The following FRMD3 variants were observed in gnomAD, a reference collection of about 807,000 sequenced individuals.
FRMD3 encodes the protein FERM domain-containing protein 3.
FRMD3 carries 33 observed loss-of-function variants against 70.2 expected under a neutral mutation model. The observed-to-expected ratio is 0.47, with a 90% CI of 0.36 to 0.63. The LOEUF (loss-of-function observed/expected upper bound fraction) is 0.63. FRMD3 is among the 20% of genes least tolerant of loss of function. The pLI is 0.00. For missense variants in FRMD3, 632 were observed against 711.4 expected (o/e 0.89, Z 1.27); for synonymous variants, 279 against 255.9 (o/e 1.09, Z -0.86).
At chr9:83,507,681 AATATACATACATATAT>A (rs1415051298) in intron 1 of FRMD3, among the ~76,000 whole-genome samples, 2 of 79,078 alleles carry the variant, frequency 2.5e-5, no homozygotes, top group Non-Finnish European at 4.8e-5. Context: ...AACAAAAAAA[AATATACATACATATAT>A]ATATATATAT....
In FRMD3 at chr9:83,467,824, T is replaced by A. The variant is rs1242217781; in HGVS notation, c.147+70261A>T. Reference sequence around the variant, plus strand: ...TGCCACCAAGATCCTATTTCCTAATTTCTGTCACAGTAAATAGGTTGATGG... The same window carrying A: ...TGCCACCAAGATCCTATTTCCTAATATCTGTCACAGTAAATAGGTTGATGG... On this transcript the variant is annotated intron_variant, in intron 1 of 13. Transcript: ENST00000304195. The A allele has an allele frequency of 2.1e-6, 3 of 1,397,868 alleles. No individual in the cohort carries two copies. The African/African-American group carries it at 4.3e-5, about 20-fold the overall frequency. 86.6% of individuals were successfully genotyped at this position (1,397,868 alleles called of 1,614,324 possible).
chr9:83,482,746 G>A (rs28595483), intron 1 of FRMD3, among the ~76,000 whole-genome samples: 1,683 of 152,218 alleles, frequency 0.011, 36 homozygotes, highest in African/African-American at 0.039. Context: ...AATTCAACCA[G>A]AAGAGAAGAA....
intron 1 of FRMD3, among the ~76,000 whole-genome samples, chr9:83,439,939 T>C (rs1424669546): frequency 6.6e-6 from 1 of 152,194 alleles, no homozygotes; most frequent in Non-Finnish European, 1.5e-5. Context: ...TATTTCATTA[T>C]ATTCAGGAAT....
At chr9:83,378,453 T>C (rs966347253) in intron 2 of FRMD3, among the ~76,000 whole-genome samples, 1 of 94,438 alleles carries the variant, frequency 1.1e-5, no homozygotes, top group Admixed American at 1.1e-4. Flanking sequence ...AATTTATATA[T>C]ATATATAATA....
chr9:83,526,763 A>T (rs1344917335), intron 1 of FRMD3, among the ~76,000 whole-genome samples: 2 of 152,220 alleles, frequency 1.3e-5, no homozygotes, highest in East Asian at 3.8e-4. Context: ...TATAGGAGAT[A>T]TTTAACAAAT....
At chr9:83,536,771 C>T (rs985440043) in intron 1 of FRMD3, among the ~76,000 whole-genome samples, 1 of 151,938 alleles carries the variant, frequency 6.6e-6, no homozygotes, top group Non-Finnish European at 1.5e-5. Flanking sequence ...CTGCCCCCAA[C>T]ATGTCACACA....
intron 3 of FRMD3, among the ~76,000 whole-genome samples, chr9:83,352,472 C>A (rs73463650): frequency 0.11 from 17,300 of 152,132 alleles, 1,157 homozygotes; most frequent in African/African-American, 0.17. Context: ...GGCAATGAGG[C>A]CCAGAACTGC....
At chr9:83,260,087 C>T (rs1832914327) in intron 13 of FRMD3, among the ~76,000 whole-genome samples, 1 of 152,156 alleles carries the variant, frequency 6.6e-6, no homozygotes, top group Non-Finnish European at 1.5e-5. Flanking sequence ...AGACCCTCCC[C>T]AGTCCAGCAT....
chr9:83,501,939 A>C (rs1336274870), intron 1 of FRMD3, among the ~76,000 whole-genome samples: 2 of 152,228 alleles, frequency 1.3e-5, no homozygotes, highest in Non-Finnish European at 2.9e-5. Flanking sequence ...CTGCAACTCT[A>C]AATGAAGTAC....
chr9:83,310,538 A>C lies in FRMD3; in HGVS notation c.784T>G (p.Cys262Gly). ...RIHLIKWPDV[C>G]KLKFEGKTFY... ...GTCTTCCCTTCAAACTTCAATTTGC[A>C]GACATCTGGCCTAAGAAAAGAAAAT... Residue 262 changes from cysteine (C) to glycine (G), a missense_variant, in exon 9 of 14, where the codon TGC becomes GGC. Transcript: ENST00000304195. 2 of 1,603,692 alleles carry C rather than the reference A, an allele frequency of 1.2e-6. No individual in the cohort carries two copies. Among genetic ancestry groups the C allele is most frequent in the Non-Finnish European group, 1.7e-6 (2 of 1,177,480 alleles).
chr9:83,343,870 G>C (rs1219181398), intron 4 of FRMD3, among the ~76,000 whole-genome samples: 1 of 152,236 alleles, frequency 6.6e-6, no homozygotes, highest in Non-Finnish European at 1.5e-5. Context: ...GATGCCTATT[G>C]AGGCCAGGCA....
the FRMD3 span, among the ~76,000 whole-genome samples, chr9:83,577,087 T>C: frequency 1.3e-5 from 2 of 151,974 alleles, no homozygotes; most frequent in Non-Finnish European, 2.9e-5. Context: ...CCTAAATAAA[T>C]AGAAAGACAT....
the FRMD3 span, among the ~76,000 whole-genome samples, chr9:83,544,134 C>T: frequency 3.3e-5 from 5 of 152,220 alleles, no homozygotes; most frequent in African/African-American, 1.2e-4. Flanking sequence ...AGGGAAGAGG[C>T]TCCACACCAA....
At position 83,246,937 on chromosome 9, in the gene FRMD3, C is replaced by T. The variant is rs2118477718; in HGVS notation, c.*981G>A. On this transcript the variant is annotated 3_prime_UTR_variant, in exon 14 of 14. Transcript: ENST00000304195. ...GCCTCACCAGAACTCATTTTTGCCA[C>T]TTTCCATTTCTCCAGTTCCTATCTG... 1 of 985,444 alleles carries T rather than the reference C, an allele frequency of 1.0e-6. No homozygotes were observed. Among genetic ancestry groups the T allele is most frequent in the East Asian group, 1.1e-4 (1 of 8,810 alleles). 61.0% of individuals were successfully genotyped at this position (985,444 alleles called of 1,614,324 possible). A position where few individuals can be genotyped will look rare whatever the true frequency, so the allele number is the denominator to read the frequency against.
intron 6 of FRMD3, among the ~76,000 whole-genome samples, chr9:83,326,602 C>CT (rs1836027934): frequency 8.5e-6 from 1 of 117,762 alleles, no homozygotes; most frequent in Admixed American, 7.9e-5. Flanking sequence ...TTTAATGATC[C>CT]ATTTTTTCAG....
chr9:83,584,577 A>G, the FRMD3 span, among the ~76,000 whole-genome samples: 1 of 152,192 alleles, frequency 6.6e-6, no homozygotes, highest in South Asian at 2.1e-4. Flanking sequence ...CTTCTTCCAT[A>G]AAGAACTTTG....
intron 1 of FRMD3, among the ~76,000 whole-genome samples, chr9:83,532,531 G>T (rs114826380): frequency 6.6e-6 from 1 of 152,122 alleles, no homozygotes; most frequent in African/African-American, 2.4e-5. Flanking sequence ...CTCATGAAAG[G>T]TTTATTGTAA....
chr9:83,328,574 A>C (rs888603127), intron 6 of FRMD3, among the ~76,000 whole-genome samples: 3 of 152,228 alleles, frequency 2.0e-5, no homozygotes, highest in Admixed American at 6.5e-5. Flanking sequence ...ACTGTCTTTG[A>C]CTAATAAAAA....
chr9:83,481,764 C>T (rs1050995801), intron 1 of FRMD3, among the ~76,000 whole-genome samples: 1 of 151,998 alleles, frequency 6.6e-6, no homozygotes, highest in African/African-American at 2.4e-5. Context: ...ACTCTGAAGG[C>T]TGAATAAAAT....
Sources: gnomAD v4.1 joint callset for allele counts (sites outside exome capture counted in the v4.1 genomes callset) on GRCh38, gnomAD v4.1.1 for gene constraint, MANE v1.5 for transcripts, NCBI Gene and HGNC (gene_info 2026-07-23, HGNC 2026-07-21) for gene names.